The following SEMA3A variants were observed in gnomAD, a reference collection of about 807,000 sequenced individuals.
SEMA3A encodes the protein semaphorin-3A.
In SEMA3A, 29 loss-of-function variants were observed where a neutral mutation model predicts 97.9. That is an observed-to-expected ratio of 0.30 (90% CI 0.22 to 0.40). The LOEUF is 0.40. SEMA3A is among the 10% of genes least tolerant of loss of function. The pLI is 1.00. For missense variants in SEMA3A, 763 were observed against 951.3 expected, an observed-to-expected ratio of 0.80 and a Z score of 2.60; for synonymous variants, 321 against 323.7, an observed-to-expected ratio of 0.99 and a Z score of 0.09.
At chr7:84,126,503 G>C (rs1795801307) in intron 3 of SEMA3A, among the ~76,000 whole-genome samples, 1 of 152,140 alleles carries the variant, frequency 6.6e-6, no homozygotes, top group East Asian at 1.9e-4. Flanking sequence ...ACCGCGCCCG[G>C]ATGAGTTGAT....
At chr7:84,214,829 G>C (rs925590075) in intron 3 of SEMA3A, among the ~76,000 whole-genome samples, 5 of 151,528 alleles carry the variant, frequency 3.3e-5, no homozygotes, top group African/African-American at 1.2e-4. Flanking sequence ...CTCCTGAGTA[G>C]CTGGAATTAT....
At chr7:84,436,365 A>G (rs1012977872) in intron 1 of SEMA3A, among the ~76,000 whole-genome samples, 1 of 152,218 alleles carries the variant, frequency 6.6e-6, no homozygotes, top group East Asian at 1.9e-4. Flanking sequence ...TCTGCACAGC[A>G]GAATAAACTA....
chr7:83,995,041 G>A (rs868306155), intron 12 of SEMA3A, among the ~76,000 whole-genome samples: 7 of 152,232 alleles, frequency 4.6e-5, no homozygotes, highest in African/African-American at 1.4e-4. Flanking sequence ...TAAGCCCGTC[G>A]GAAAAGTGCA....
At chr7:84,151,174 T>G (rs1190157524) in intron 1 of SEMA3A, among the ~76,000 whole-genome samples, 2,043 of 151,392 alleles carry the variant, frequency 0.013, 17 homozygotes, top group Non-Finnish European at 0.021. Context: ...ACTCTAAAAA[T>G]CAGAGCGCCT....
rs772318664 is a variant in SEMA3A, at chr7:83,961,471, T to G, written c.2216A>C (p.His739Pro). Residue 739 changes from histidine to proline, a missense_variant, in exon 17 of 17, where the codon CAT becomes CCT. His to Pro is a moderately conservative substitution (Grantham distance 77). This residue lies in a region of SEMA3A where 678 missense variants were observed against 881.3 expected (regional missense o/e 0.77). Coordinates refer to ENST00000265362, the MANE Select transcript of SEMA3A (RefSeq NM_006080.3). ...DRKQRRQRPG[H>P]TPGNSNKWKH... ...CCATTTGTTACTGTTCCCTGGGGTA[T>G]GTCCTGGCCTTTGCCGACGTTGTTT... 9.9e-6 allele frequency: 16 copies of G among 1,614,126 alleles called. No individual in the cohort carries two copies. Among genetic ancestry groups the G allele is most frequent in the Non-Finnish European group, 1.4e-5 (16 of 1,179,950 alleles).
At chr7:84,472,596 G>C (rs17159069) in intron 1 of SEMA3A, among the ~76,000 whole-genome samples, 17,987 of 152,064 alleles carry the variant, frequency 0.12, 1,300 homozygotes, top group East Asian at 0.29. Flanking sequence ...TTCAATGTTT[G>C]TCAAATTTCA....
chr7:84,061,145 C>A (rs920469857), intron 4 of SEMA3A, among the ~76,000 whole-genome samples: 1 of 152,174 alleles, frequency 6.6e-6, no homozygotes, highest in Non-Finnish European at 1.5e-5. Context: ...GCCTCATTCA[C>A]TTCTCTAAGA....
At chr7:84,414,645 T>A (rs1340472451) in intron 1 of SEMA3A, among the ~76,000 whole-genome samples, 1 of 151,954 alleles carries the variant, frequency 6.6e-6, no homozygotes, top group Admixed American at 6.6e-5. Flanking sequence ...TAATCATGAA[T>A]AAACGTTCAA....
At chr7:84,269,386 A>C (rs1447416356) in intron 3 of SEMA3A, among the ~76,000 whole-genome samples, 1 of 152,148 alleles carries the variant, frequency 6.6e-6, no homozygotes, top group East Asian at 1.9e-4. Context: ...GAACCCTGAC[A>C]AAAACTGGGC....
intron 16 of SEMA3A, among the ~76,000 whole-genome samples, chr7:83,962,811 G>C (rs1010585646): frequency 3.3e-5 from 5 of 151,900 alleles, no homozygotes; most frequent in African/African-American, 1.2e-4. Context: ...TAAGGAGGAA[G>C]GTAATGGATA....
chr7:84,305,098 C>T lies in SEMA3A; in HGVS notation c.-83+2109G>A, dbSNP rs1182302603. Among the ~76,000 whole-genome samples the T allele has an allele frequency of 2.6e-5, 4 of 151,830 alleles. No homozygotes were observed. The East Asian group carries it at 5.8e-4, about 22-fold the overall frequency. ...TGTATCATGGATCTTGCTATGTAGG[C>T]ATTGCTTAAGCAAATAAGTTATTTA... On this transcript the variant is annotated intron_variant, in intron 3 of 3. Coordinates refer to the SEMA3A transcript ENST00000424555.
At chr7:84,153,537 G>T (rs1796744646) in intron 1 of SEMA3A, among the ~76,000 whole-genome samples, 2 of 152,052 alleles carry the variant, frequency 1.3e-5, no homozygotes, top group Admixed American at 6.5e-5. Flanking sequence ...AATATGAAAA[G>T]ATGCATGTTT....
intron 3 of SEMA3A, among the ~76,000 whole-genome samples, chr7:84,251,105 C>T (rs6949242): frequency 0.24 from 36,209 of 151,924 alleles, 5,345 homozygotes; most frequent in African/African-American, 0.42. Context: ...TGCATTTTTG[C>T]CATTTATGTA....
chr7:84,320,591 T>A (rs192655854), intron 2 of SEMA3A, among the ~76,000 whole-genome samples: 187 of 152,296 alleles, frequency 1.2e-3, no homozygotes, highest in African/African-American at 4.3e-3. Flanking sequence ...ACGAACAGTT[T>A]AAGGTATCTT....
intron 12 of SEMA3A, among the ~76,000 whole-genome samples, chr7:83,999,641 A>G (rs1338134287): frequency 2.0e-5 from 3 of 152,098 alleles, no homozygotes; most frequent in Non-Finnish European, 2.9e-5. Flanking sequence ...GGACTATCAT[A>G]TCTACTAATA....
chr7:84,088,008 C>A (rs1199342619), intron 4 of SEMA3A, among the ~76,000 whole-genome samples: 1 of 152,108 alleles, frequency 6.6e-6, no homozygotes, highest in Admixed American at 6.6e-5. Context: ...TCTTGTAGCA[C>A]TTTGTAAGTA....
At position 84,055,436 on chromosome 7, in the gene SEMA3A, G is replaced by C. The variant is rs570223422; in HGVS notation, c.547+5029C>G. Among the ~76,000 whole-genome samples the C allele has an allele frequency of 4.6e-5, 7 of 152,226 alleles. No homozygotes were observed. The East Asian group carries it at 7.7e-4, about 17-fold the overall frequency. ...CCGTTTTTTAAGCCCGTCGGAAAAGGGCAGTATTCGGGTGGGAGTGACCCG... is the reference window on the plus strand; with the variant it reads ...CCGTTTTTTAAGCCCGTCGGAAAAGCGCAGTATTCGGGTGGGAGTGACCCG... On this transcript the variant is annotated intron_variant, in intron 5 of 16. Transcript: ENST00000265362.
chr7:84,036,149 C>T (rs1791932618), intron 6 of SEMA3A, among the ~76,000 whole-genome samples: 1 of 151,816 alleles, frequency 6.6e-6, no homozygotes, highest in Admixed American at 6.6e-5. Flanking sequence ...TCAATGGAAT[C>T]CAAAAATTTG....
chr7:84,467,336 C>A (rs1001149471), intron 1 of SEMA3A, among the ~76,000 whole-genome samples: 3 of 151,852 alleles, frequency 2.0e-5, no homozygotes, highest in Non-Finnish European at 2.9e-5. Context: ...TCCTGGCTAA[C>A]ACAGTAAAAC....
Sources: gnomAD v4.1 joint callset for allele counts (sites outside exome capture counted in the v4.1 genomes callset) on GRCh38, gnomAD v4.1.1 for gene constraint, gnomAD v4.1.1 regional missense constraint, MANE v1.5 for transcripts, NCBI Gene and HGNC (gene_info 2026-07-23, HGNC 2026-07-21) for gene names.